Variants in MOGAT1 observed in about 807,000 individuals in gnomAD.
The protein encoded by MOGAT1 is monoacylglycerol O-acyltransferase 1.
MOGAT1 carries 32 observed loss-of-function variants against 31.4 expected under a neutral mutation model. The ratio of observed to expected loss-of-function variants is 1.02; its 90% CI spans 0.77 to 1.37. MOGAT1 has a LOEUF of 1.37. MOGAT1 is among the 40% of genes most tolerant of loss of function. The pLI is 0.00. For missense variants in MOGAT1, 426 were observed against 402.0 expected (o/e 1.06, Z -0.51); for synonymous variants, 145 against 144.5 (o/e 1.00, Z -0.03).
At chr2:222,697,636 G>C (rs919458121) in intron 5 of MOGAT1, among the ~76,000 whole-genome samples, 5 of 141,052 alleles carry the variant, frequency 3.5e-5, no homozygotes, top group Non-Finnish European at 7.5e-5. Flanking sequence ...AGGCCGGAGT[G>C]CAATGGCATG....
At position 222,689,428 on chromosome 2, in the gene MOGAT1, G is replaced by A. The variant is rs983884929; in HGVS notation, c.437G>A (p.Trp146Ter). Residue 146 changes from tryptophan (W) to a stop codon, truncating the protein, a stop_gained, in exon 3 of 6, where the codon TGG (tryptophan) becomes TAG (stop). Coordinates refer to ENST00000446656, the MANE Select transcript of MOGAT1 (RefSeq NM_058165.3). LOFTEE classifies it high-confidence loss of function. ...FTSYLHVLPL[W>*]FWCPVFREYV... The stretch of plus-strand genomic sequence containing the variant: ...TCATATCTTCACGTGCTGCCACTTT[G>A]GTTCTGGTGTCCTGTCTTTCGAGAA... The A allele has an allele frequency of 1.2e-6, 2 of 1,613,860 alleles. No individual in the cohort carries two copies. The highest frequency in any genetic ancestry group is 2.7e-5 in the African/African-American group (2 of 74,910).
chr2:222,693,092 A>G (rs150156487), intron 3 of MOGAT1, among the ~76,000 whole-genome samples: 1 of 152,348 alleles, frequency 6.6e-6, no homozygotes, highest in African/African-American at 2.4e-5. Context: ...TCTTCAAGTG[A>G]TGAGATATGC....
chr2:222,678,847 A>G (rs993307161), intron 1 of MOGAT1, among the ~76,000 whole-genome samples: 7 of 152,186 alleles, frequency 4.6e-5, no homozygotes, highest in Non-Finnish European at 1.0e-4. Context: ...AGGCTGAGGC[A>G]GGAGAATTGC....
At chr2:222,688,044 T>A (rs1023117982) in intron 1 of MOGAT1, among the ~76,000 whole-genome samples, 11 of 152,212 alleles carry the variant, frequency 7.2e-5, no homozygotes, top group African/African-American at 2.7e-4. Flanking sequence ...GTGTTTCCTC[T>A]ACCGATTCCT....
chr2:222,673,331 C>CAAAAGAAAAA (rs1553561049), intron 1 of MOGAT1, among the ~76,000 whole-genome samples: 1 of 102,238 alleles, frequency 9.8e-6, no homozygotes, highest in Non-Finnish European at 1.8e-5. Flanking sequence ...TAGAATTTAC[C>CAAAAGAAAAA]AAAAAAAAAA....
At chr2:222,707,901 T>G (rs528400316) in intron 5 of MOGAT1, among the ~76,000 whole-genome samples, 3 of 152,302 alleles carry the variant, frequency 2.0e-5, no homozygotes, top group Admixed American at 1.3e-4. Flanking sequence ...CTACTCTTAC[T>G]GACATGAATC....
Position 222,694,460 on chromosome 2 carries a change from C to G in MOGAT1, c.577C>G (p.Leu193Val), listed in dbSNP as rs752759259. 2 of 1,613,936 alleles carry G rather than the reference C, an allele frequency of 1.2e-6. No individual in the cohort carries two copies. The highest frequency in any genetic ancestry group is 1.7e-6 in the Non-Finnish European group (2 of 1,179,846). ...VIVLGGAKES[L>V]DAHPGKFTLF... ...TGTCCTTGGGGGTGCAAAAGAATCA[C>G]TGGATGCTCATCCTGGAAAGTTCAC... The change falls in exon 4 of 6, where the codon CTG becomes GTG. Residue 193 changes from leucine to valine, a missense_variant. Coordinates refer to ENST00000446656, the MANE Select transcript of MOGAT1 (RefSeq NM_058165.3).
intron 1 of MOGAT1, among the ~76,000 whole-genome samples, chr2:222,681,632 C>T (rs1692582835): frequency 6.6e-6 from 1 of 152,090 alleles, no homozygotes; most frequent in Non-Finnish European, 1.5e-5. Flanking sequence ...ATTTCCAGCC[C>T]TTCTCCTCTC....
intron 1 of MOGAT1, among the ~76,000 whole-genome samples, chr2:222,683,334 T>C (rs1029521222): frequency 2.6e-5 from 4 of 151,716 alleles, no homozygotes; most frequent in Admixed American, 2.6e-4. Context: ...GGGAACTAGA[T>C]GGTGGTAGTA....
intron 1 of MOGAT1, among the ~76,000 whole-genome samples, chr2:222,676,564 A>G (rs534406168): frequency 1.4e-4 from 22 of 152,208 alleles, no homozygotes; most frequent in Non-Finnish European, 3.1e-4. Context: ...ACCTACAGAT[A>G]TTTGTATGAA....
intron 5 of MOGAT1, among the ~76,000 whole-genome samples, chr2:222,706,510 T>G (rs915183097): frequency 1.5e-5 from 2 of 135,340 alleles, no homozygotes; most frequent in Middle Eastern, 3.9e-3. Flanking sequence ...GTGAGCATGC[T>G]TAAGCTCTCT....
At chr2:222,683,829 G>C (rs1158081564) in intron 1 of MOGAT1, among the ~76,000 whole-genome samples, 16 of 152,200 alleles carry the variant, frequency 1.1e-4, no homozygotes, top group Admixed American at 1.0e-3. Flanking sequence ...AAGCCAAGTT[G>C]TGGTTTTTAA....
intron 3 of MOGAT1, among the ~76,000 whole-genome samples, chr2:222,692,654 C>G (rs1283771977): frequency 6.6e-6 from 1 of 152,130 alleles, no homozygotes; most frequent in Non-Finnish European, 1.5e-5. Flanking sequence ...GGAAGATCTC[C>G]TGACAGATGG....
rs902605958 is a variant in MOGAT1 at position 222,689,605 on chromosome 2, G to C, written c.478+136G>C. 2.8e-5 allele frequency: 21 copies of C among 751,962 alleles called. No individual in the cohort carries two copies. The African/African-American group carries it at 3.7e-4, about 13-fold the overall frequency. 46.6% of individuals were successfully genotyped at this position (751,962 alleles called of 1,614,324 possible). ...TTATCCTCATCTGGCACTTCCTATG[G>C]TGTCTGGGTGTTTCCTGCCCTCCCC... is the stretch of plus-strand genomic sequence containing the variant. On this transcript the variant is annotated intron_variant, in intron 3 of 5. Coordinates refer to ENST00000446656, the MANE Select transcript of MOGAT1 (RefSeq NM_058165.3).
In MOGAT1 at chr2:222,671,850, T is replaced by C. The variant is rs939320727; in HGVS notation, c.65T>C (p.Leu22Pro). ...CGGCGGCTGCAGACGGTGGCCGTGC[T>C]GCAGTGGGTCCTGAAATACCTGCTG... Reference protein sequence around the residue: ...LARRLQTVAVLQWVLKYLLLG... With the variant: ...LARRLQTVAVPQWVLKYLLLG... The change falls in exon 1 of 6, where the codon CTG (leucine) becomes CCG (proline). Residue 22 changes from leucine (L) to proline (P), a missense_variant. Physicochemically the swap from Leu to Pro is moderately conservative, Grantham distance 98 (BLOSUM62 -3). Transcript: ENST00000446656. 9.0e-6 allele frequency: 14 copies of C among 1,552,340 alleles called. No homozygotes were observed. The highest frequency in any genetic ancestry group is 1.2e-5 in the Non-Finnish European group (14 of 1,147,762).
intron 1 of MOGAT1, among the ~76,000 whole-genome samples, chr2:222,677,406 C>T (rs1244505956): frequency 6.6e-6 from 1 of 152,140 alleles, no homozygotes; most frequent in African/African-American, 2.4e-5. Context: ...CGGTGAAACC[C>T]TGACTCTACT....
At chr2:222,673,884 G>A (rs753431235) in intron 1 of MOGAT1, among the ~76,000 whole-genome samples, 9 of 152,132 alleles carry the variant, frequency 5.9e-5, no homozygotes, top group Non-Finnish European at 1.2e-4. Context: ...AGATATACAC[G>A]AATACTTGAG....
At chr2:222,701,551 A>AAGAAAG (rs1559234075) in intron 5 of MOGAT1, among the ~76,000 whole-genome samples, 3 of 146,096 alleles carry the variant, frequency 2.1e-5, no homozygotes, top group African/African-American at 5.3e-5. Context: ...AAAAAGAAAA[A>AAGAAAG]AGAAAGAAAG....
At chr2:222,692,714 G>A (rs990762830) in intron 3 of MOGAT1, among the ~76,000 whole-genome samples, 2 of 152,150 alleles carry the variant, frequency 1.3e-5, no homozygotes, top group South Asian at 2.1e-4. Context: ...CATGGGTGTA[G>A]ATGAGGTTAG....
Sources: gnomAD v4.1 joint callset for allele counts (sites outside exome capture counted in the v4.1 genomes callset) on GRCh38, gnomAD v4.1.1 for gene constraint, MANE v1.5 for transcripts, NCBI Gene and HGNC (gene_info 2026-07-23, HGNC 2026-07-21) for gene names.